The following CLOCK variants were observed in gnomAD, a reference collection of about 807,000 sequenced individuals.
CLOCK encodes circadian locomoter output cycles protein kaput.
CLOCK carries 43 observed loss-of-function variants against 118.4 expected under a neutral mutation model. That is an observed-to-expected ratio of 0.36 (90% CI 0.28 to 0.47). The LOEUF (loss-of-function observed/expected upper bound fraction) is 0.47. Ranked by LOEUF, CLOCK falls within the 20% of genes least tolerant of loss-of-function variation. The probability of loss-of-function intolerance (pLI) is 1.00; values close to 1 mark genes in which losing one functional copy is unlikely to be tolerated. For synonymous variants in CLOCK, 326 were observed against 339.2 expected, an observed-to-expected ratio of 0.96 and a Z score of 0.43; for missense variants, 846 against 999.9, an observed-to-expected ratio of 0.85 and a Z score of 2.08.
chr4:55,478,774 G>C (rs947291312), intron 6 of CLOCK, 41 bp downstream of exon 6: 2 of 1,590,098 alleles, frequency 1.3e-6, no homozygotes, highest in African/African-American at 2.7e-5. Flanking sequence ...TCTAACTAAT[G>C]CTTTGAGAGT....
chr4:55,491,752 T>C (rs1274011452), intron 2 of CLOCK, among the ~76,000 whole-genome samples: 1 of 152,114 alleles, frequency 6.6e-6, no homozygotes, highest in East Asian at 1.9e-4. Flanking sequence ...AATGGAATGC[T>C]ATACAACAAA....
intron 2 of CLOCK, among the ~76,000 whole-genome samples, chr4:55,508,616 G>A (rs974327655): frequency 4.0e-5 from 6 of 148,304 alleles, no homozygotes; most frequent in African/African-American, 7.4e-5. Flanking sequence ...TTTTTGAGAC[G>A]GAGTCTTGCT....
chr4:55,471,761 G>C (rs1228606427), intron 7 of CLOCK, among the ~76,000 whole-genome samples: 1 of 152,172 alleles, frequency 6.6e-6, no homozygotes, highest in Non-Finnish European at 1.5e-5. Context: ...GGATGAGGAA[G>C]AGAAAAAGGC....
chr4:55,442,442 T>C lies in CLOCK; in HGVS notation c.2095A>G (p.Arg699Gly), dbSNP rs140377972. 1.9e-6 allele frequency: 3 copies of C among 1,609,498 alleles called. No individual in the cohort carries two copies. The highest frequency in any genetic ancestry group is 2.5e-6 in the Non-Finnish European group (3 of 1,178,374). ...AAATATGACAACTACCTTATCTGCCTGTCCTGAGTGAATGTAGTTACTGCA... is the reference window on the plus strand; with the variant it reads ...AAATATGACAACTACCTTATCTGCCCGTCCTGAGTGAATGTAGTTACTGCA... ...SAAVTTFTQD[R>G]QIRFSQGQQL... Residue 699 changes from arginine to glycine, a missense_variant, in exon 21 of 23, where the codon AGG (arginine) becomes GGG (glycine). This residue lies in a region of CLOCK where 520 missense variants were observed against 558.0 expected (regional missense o/e 0.93). Coordinates refer to ENST00000513440, the MANE Select transcript of CLOCK (RefSeq NM_004898.4).
At chr4:55,460,154 C>T (rs908624548) in intron 9 of CLOCK, among the ~76,000 whole-genome samples, 1 of 152,144 alleles carries the variant, frequency 6.6e-6, no homozygotes. Context: ...ACATTTGTAT[C>T]GTTAACTTCA....
At chr4:55,501,255 TG>T (rs1728414839) in intron 2 of CLOCK, among the ~76,000 whole-genome samples, 1 of 152,236 alleles carries the variant, frequency 6.6e-6, no homozygotes, top group African/African-American at 2.4e-5. Context: ...GATTAATAAA[TG>T]GTTGACTTTT....
At chr4:55,442,713 AACAATATG>A (rs1723471894) in intron 20 of CLOCK, 79 bp from the exon 21 acceptor site, 13 of 1,228,408 alleles carry the variant, frequency 1.1e-5, no homozygotes, top group African/African-American at 1.5e-5. Context: ...TCATCATTCT[AACAATATG>A]ACAATATGAC....
intron 2 of CLOCK, among the ~76,000 whole-genome samples, chr4:55,505,782 A>T (rs1728757865): frequency 6.6e-6 from 1 of 151,320 alleles, no homozygotes; most frequent in South Asian, 2.1e-4. Context: ...AAAAGTTAAG[A>T]ATAGTTCAAA....
At chr4:55,526,178 G>T (rs1047257624) in intron 1 of CLOCK, among the ~76,000 whole-genome samples, 2 of 152,142 alleles carry the variant, frequency 1.3e-5, no homozygotes, top group African/African-American at 4.8e-5. Context: ...AATTTACAAA[G>T]CATTTTCCTT....
rs1015859166 is a variant in CLOCK, at chr4:55,448,986, G to T, written c.1450-118C>A. On this transcript the variant is annotated intron_variant, in intron 17 of 22. Coordinates refer to ENST00000513440, the MANE Select transcript of CLOCK (RefSeq NM_004898.4). ...AACTTACCATTTGCCTCATACTTTT[G>T]TTAGCTGAATACAGCTATGTCTTCT... The T allele has an allele frequency of 3.7e-6, 3 of 819,830 alleles. No individual in the cohort carries two copies. In the East Asian group the frequency reaches 8.0e-5, roughly 22 times the overall value. 50.8% of individuals were successfully genotyped at this position (819,830 alleles called of 1,614,324 possible). A position where few individuals can be genotyped will look rare whatever the true frequency, so the allele number is the denominator to read the frequency against.
chr4:55,534,266 G>T (rs1165020527), intron 1 of CLOCK, among the ~76,000 whole-genome samples: 1 of 151,912 alleles, frequency 6.6e-6, no homozygotes, highest in East Asian at 1.9e-4. Flanking sequence ...CTCTTCCAAA[G>T]AACTAAATGT....
chr4:55,519,662 C>T (rs1198465323), intron 1 of CLOCK, among the ~76,000 whole-genome samples: 103 of 151,998 alleles, frequency 6.8e-4, no homozygotes, highest in Admixed American at 6.8e-3. Flanking sequence ...TCTGTAATCC[C>T]AGCTACTCAG....
At chr4:55,520,960 T>C (rs1215563678) in intron 1 of CLOCK, among the ~76,000 whole-genome samples, 2 of 152,234 alleles carry the variant, frequency 1.3e-5, no homozygotes, top group Non-Finnish European at 2.9e-5. Context: ...TTCAGCCTTA[T>C]CTCTTTCAAG....
intron 18 of CLOCK, among the ~76,000 whole-genome samples, chr4:55,446,663 C>G (rs1723875930): frequency 6.6e-6 from 1 of 152,196 alleles, no homozygotes; most frequent in South Asian, 2.1e-4. Context: ...TTACTTGAGT[C>G]ATGAGCAGCT....
intron 1 of CLOCK, among the ~76,000 whole-genome samples, chr4:55,531,703 CAAAAAAAAAAAAAAA>C (rs373796432): frequency 2.4e-5 from 1 of 41,248 alleles, no homozygotes. Flanking sequence ...GACTTCGTCT[CAAAAAAAAAAAAAAA>C]AAAAAAAAAA....
At chr4:55,458,777 T>C in intron 11 of CLOCK, 115 bp downstream of exon 11, 1 of 711,670 alleles carries the variant, frequency 1.4e-6, no homozygotes, top group Non-Finnish European at 2.5e-6. Flanking sequence ...TCAAAAATAT[T>C]ATCATGCATA....
Position 55,435,556 on chromosome 4 carries a change from G to A in CLOCK, c.2400C>T (p.Leu800=), listed in dbSNP as rs766496924. ...RLLHGNPSTQ[L]ILSAAFPLQQ... is the part of the protein sequence containing the mutation. The stretch of plus-strand genomic sequence containing the variant: ...GTAGAGGAAATGCAGCAGAGAGAAT[G>A]AGTTGAGTTGAGGGATTCCCATGGA... The change falls in exon 23 of 23, where the codon CTC becomes CTT. Residue 800 remains leucine (L), a synonymous_variant. Coordinates refer to ENST00000513440, the MANE Select transcript of CLOCK (RefSeq NM_004898.4). 4 of 1,613,956 alleles carry A rather than the reference G, an allele frequency of 2.5e-6. No individual in the cohort carries two copies. Among genetic ancestry groups the A allele is most frequent in the Non-Finnish European group, 3.4e-6 (4 of 1,179,886 alleles).
At chr4:55,485,245 G>A (rs2109924568) in intron 3 of CLOCK, among the ~76,000 whole-genome samples, 1 of 152,298 alleles carries the variant, frequency 6.6e-6, no homozygotes, top group South Asian at 2.1e-4. Context: ...GATTACAGGT[G>A]TGAGCCACCA....
Position 55,435,355 on chromosome 4 carries a change from G to C in CLOCK, c.*60C>G. 6.3e-7 allele frequency: 1 copy of C among 1,590,568 alleles called. No homozygotes were observed. The highest frequency in any genetic ancestry group is 1.1e-5 in the South Asian group (1 of 90,206). On this transcript the variant is annotated 3_prime_UTR_variant, in exon 23 of 23. Coordinates refer to ENST00000513440, the MANE Select transcript of CLOCK (RefSeq NM_004898.4). ...TTTCCCTCCTTTCCTCAGGTCATCTGAGTAACTCTTAATGGGCCATCCCCT... is the reference window on the plus strand; with the variant it reads ...TTTCCCTCCTTTCCTCAGGTCATCTCAGTAACTCTTAATGGGCCATCCCCT...
Sources: allele counts gnomAD v4.1 joint callset (sites outside exome capture counted in the v4.1 genomes callset), GRCh38; gene constraint gnomAD v4.1.1; regional missense constraint gnomAD v4.1.1; transcripts MANE v1.5; gene names NCBI Gene and HGNC (gene_info 2026-07-23, HGNC 2026-07-21).